CNTNAP2: variants seen among roughly 807,000 people sequenced by gnomAD.
CNTNAP2 encodes contactin-associated protein-like 2.
A neutral mutation model predicts 155.2 loss-of-function variants in CNTNAP2; 98 were observed. The ratio of observed to expected loss-of-function variants is 0.63; its 90% confidence interval spans 0.54 to 0.75. The LOEUF is 0.75. CNTNAP2 is among the 30% of genes least tolerant of loss of function. CNTNAP2 has a pLI of 0.00. For missense variants in CNTNAP2, 1,727 were observed against 1,688.1 expected, an observed-to-expected ratio of 1.02 and a Z score of -0.40; for synonymous variants, 651 against 631.2, an observed-to-expected ratio of 1.03 and a Z score of -0.47.
At chr7:147,068,358 TG>T (rs1799823380) in intron 4 of CNTNAP2, among the ~76,000 whole-genome samples, 1 of 151,716 alleles carries the variant, frequency 6.6e-6, no homozygotes, top group African/African-American at 2.4e-5. Context: ...TTTATTTATT[TG>T]TTTGTTTGTT....
At chr7:146,768,769 A>C (rs529347348) in intron 1 of CNTNAP2, among the ~76,000 whole-genome samples, 1 of 152,062 alleles carries the variant, frequency 6.6e-6, no homozygotes, top group African/African-American at 2.4e-5. Context: ...GTTTTCCTCC[A>C]TTAGGCTTAT....
rs542609397 is a variant in CNTNAP2 at position 147,921,052 on chromosome 7, G to A, written c.2255+17331G>A. Among the ~76,000 whole-genome samples, 75 of 151,738 alleles carry A rather than the reference G, an allele frequency of 4.9e-4. No individual in the cohort carries two copies. In the East Asian group the frequency reaches 0.014, roughly 29 times the overall value. ...TCTCCATCTCCTGACCTTGTGATCT[G>A]CCCACCTCGGCCTCCCAAAGTGCTG... On this transcript the variant is annotated intron_variant, in intron 14 of 23. Coordinates refer to ENST00000361727, the MANE Select transcript of CNTNAP2 (RefSeq NM_014141.6).
chr7:146,495,552 ATTTTT>A (rs57676970), intron 1 of CNTNAP2, among the ~76,000 whole-genome samples: 1,929 of 133,376 alleles, frequency 0.014, 76 homozygotes, highest in Admixed American at 0.095. Context: ...CTAACAGGTC[ATTTTT>A]TTTTTTTTTT....
At chr7:147,508,138 T>A (rs1798946149) in intron 11 of CNTNAP2, among the ~76,000 whole-genome samples, 1 of 152,194 alleles carries the variant, frequency 6.6e-6, no homozygotes, top group African/African-American at 2.4e-5. Flanking sequence ...AATGTCCTGG[T>A]GGACAGTGAC....
At chr7:147,882,693 A>G (rs1799541569) in intron 13 of CNTNAP2, among the ~76,000 whole-genome samples, 1 of 152,130 alleles carries the variant, frequency 6.6e-6, no homozygotes, top group Admixed American at 6.6e-5. Flanking sequence ...GGGTTATGCC[A>G]TGTACCTCTA....
chr7:147,212,922 C>T (rs1340828000), intron 8 of CNTNAP2, among the ~76,000 whole-genome samples: 1 of 151,994 alleles, frequency 6.6e-6, no homozygotes, highest in East Asian at 1.9e-4. Flanking sequence ...AGTGAAGTTT[C>T]CCTAACATCA....
intron 1 of CNTNAP2, among the ~76,000 whole-genome samples, chr7:146,338,398 C>T (rs1801315948): frequency 6.6e-6 from 1 of 151,994 alleles, no homozygotes; most frequent in African/African-American, 2.4e-5. Context: ...AATATCAGTC[C>T]TGTGTAAAGA....
At chr7:148,012,858 T>C (rs1585077282) in intron 15 of CNTNAP2, among the ~76,000 whole-genome samples, 2 of 152,330 alleles carry the variant, frequency 1.3e-5, no homozygotes, top group East Asian at 3.9e-4. Context: ...TGGCATGTAT[T>C]GTGTGGCTAT....
At chr7:147,527,011 A>ATTTTTTTTTTTTTTTTT (rs1562981271) in intron 11 of CNTNAP2, among the ~76,000 whole-genome samples, 1 of 81,634 alleles carries the variant, frequency 1.2e-5, no homozygotes, top group East Asian at 3.3e-4. Flanking sequence ...GAAGACAGGC[A>ATTTTTTTTTTTTTTTTT]TTTCTTTTTT....
intron 15 of CNTNAP2, among the ~76,000 whole-genome samples, chr7:148,101,807 C>A (rs1469551038): frequency 6.6e-6 from 1 of 152,140 alleles, no homozygotes; most frequent in Non-Finnish European, 1.5e-5. Context: ...ATTAGCGTAA[C>A]CCACAGCACC....
Position 146,523,302 on chromosome 7 carries a change from T to A in CNTNAP2, c.98-250969T>A, listed in dbSNP as rs191932422. 3.1e-3 allele frequency among the ~76,000 whole-genome samples: 470 copies of A among 152,250 alleles called. 3 individuals are homozygous for A. Among genetic ancestry groups the A allele is most frequent in the Non-Finnish European group, 4.9e-3 (330 of 68,006 alleles). On this transcript the variant is annotated intron_variant, in intron 1 of 23. Transcript: ENST00000361727. ...GTCCAATTCTCATTTCTAAAAATTT[T>A]GGTACTAGAGAGCACTCTACTTTTA...
chr7:147,640,386 G>T (rs1466754788), intron 13 of CNTNAP2, among the ~76,000 whole-genome samples: 1 of 152,114 alleles, frequency 6.6e-6, no homozygotes, highest in Non-Finnish European at 1.5e-5. Flanking sequence ...AAATTATAAT[G>T]CCTACTTCAG....
chr7:147,455,913 G>C (rs1362261622), intron 10 of CNTNAP2, among the ~76,000 whole-genome samples: 2 of 152,034 alleles, frequency 1.3e-5, no homozygotes, highest in Non-Finnish European at 2.9e-5. Context: ...TAGAGCCAAT[G>C]AGTAAAGCAA....
At chr7:146,679,390 C>T (rs1180648638) in intron 1 of CNTNAP2, among the ~76,000 whole-genome samples, 2 of 123,518 alleles carry the variant, frequency 1.6e-5, no homozygotes, top group Non-Finnish European at 3.2e-5. Context: ...TCACATTGTC[C>T]TGTTGCCAAG....
intron 1 of CNTNAP2, among the ~76,000 whole-genome samples, chr7:146,595,291 A>G (rs1036897684): frequency 6.6e-6 from 1 of 152,092 alleles, no homozygotes; most frequent in Non-Finnish European, 1.5e-5. Flanking sequence ...ACAAGGTTCT[A>G]ACATTGTCAC....
chr7:147,691,523 G>A (rs989028296), intron 13 of CNTNAP2, among the ~76,000 whole-genome samples: 8 of 151,942 alleles, frequency 5.3e-5, no homozygotes, highest in Non-Finnish European at 5.9e-5. Context: ...AATGCAATCC[G>A]AATCAAAATC....
chr7:146,339,908 C>T (rs1801346533), intron 1 of CNTNAP2, among the ~76,000 whole-genome samples: 1 of 152,118 alleles, frequency 6.6e-6, no homozygotes, highest in South Asian at 2.1e-4. Flanking sequence ...TGGTGGCTCA[C>T]GCCTCTAATG....
At chr7:148,370,232 C>G (rs964692719) in intron 21 of CNTNAP2, among the ~76,000 whole-genome samples, 1 of 152,162 alleles carries the variant, frequency 6.6e-6, no homozygotes, top group South Asian at 2.1e-4. Context: ...CATAAAGATG[C>G]CCATTTCCAA....
chr7:147,512,899 T>C (rs1275254483), intron 11 of CNTNAP2, among the ~76,000 whole-genome samples: 1 of 152,116 alleles, frequency 6.6e-6, no homozygotes, highest in Non-Finnish European at 1.5e-5. Flanking sequence ...GATGACATGC[T>C]AAGAAACAAT....
Sources: allele counts gnomAD v4.1 joint callset (sites outside exome capture counted in the v4.1 genomes callset), GRCh38; gene constraint gnomAD v4.1.1; transcripts MANE v1.5; gene names NCBI Gene and HGNC (gene_info 2026-07-23, HGNC 2026-07-21).